The following TEX14 variants were observed in gnomAD, a reference collection of about 807,000 sequenced individuals.
TEX14 encodes the protein inactive serine/threonine-protein kinase TEX14.
In TEX14, 168 loss-of-function variants were observed where a neutral mutation model predicts 178.6. The ratio of observed to expected loss-of-function variants is 0.94; its 90% confidence interval spans 0.83 to 1.07. The LOEUF is 1.07. Ranked by LOEUF, TEX14 falls within the 50% of genes least tolerant of loss-of-function variation. TEX14 has a pLI of 0.00. For synonymous variants in TEX14, 626 were observed against 634.1 expected (o/e 0.99, Z 0.19); for missense variants, 1,730 against 1,753.6 (o/e 0.99, Z 0.24).
chr17:58,667,241 A>G (rs1322482388), intron 1 of TEX14, among the ~76,000 whole-genome samples: 1 of 152,128 alleles, frequency 6.6e-6, no homozygotes, highest in Non-Finnish European at 1.5e-5. Context: ...TGCAGAGTGG[A>G]GGGTTTTGGA....
At chr17:58,678,622 A>G (rs1444700487) in intron 1 of TEX14, among the ~76,000 whole-genome samples, 2 of 152,006 alleles carry the variant, frequency 1.3e-5, no homozygotes, top group African/African-American at 4.8e-5. Context: ...GGAATTGAAC[A>G]ATGAGAACAC....
intron 1 of TEX14, chr17:58,679,575 G>A (rs1283346348): frequency 3.3e-5 from 5 of 152,200 alleles, no homozygotes; most frequent in African/African-American, 1.2e-4. Context: ...ATGCAATTAA[G>A]TTTCCCACAT....
At chr17:58,562,094 GAAGA>G (rs896538138) in intron 28 of TEX14, among the ~76,000 whole-genome samples, 10 of 151,980 alleles carry the variant, frequency 6.6e-5, no homozygotes, top group Middle Eastern at 3.4e-3. Flanking sequence ...CAAAAAAAAA[GAAGA>G]AAGAAAGAAA....
chr17:58,673,177 A>G (rs1036751871), intron 1 of TEX14, among the ~76,000 whole-genome samples: 2 of 151,964 alleles, frequency 1.3e-5, no homozygotes, highest in Non-Finnish European at 2.9e-5. Context: ...AAGCCTTTAC[A>G]TATTAAAATA....
Position 58,577,429 on chromosome 17 carries a change from AT to A in TEX14, c.3265del (p.Ile1089PhefsTer35). ...SGEEKFQMRK[I>X]LGKNAEILPR... is the part of the protein sequence containing the mutation. ...CAAAATCTCAGCATTCTTTCCAAGAATTTTTCTCATTTGGAACTTTTCCTCA... is the reference window on the plus strand; with the variant it reads ...CAAAATCTCAGCATTCTTTCCAAGAATTTTCTCATTTGGAACTTTTCCTCA... On this transcript the variant is annotated frameshift_variant, in exon 21 of 32. Coordinates refer to ENST00000349033, the MANE Select transcript of TEX14 (RefSeq NM_031272.5). LOFTEE classifies it high-confidence loss of function. 1 of 1,504,382 alleles carries A rather than the reference AT, an allele frequency of 6.6e-7. No individual in the cohort carries two copies. Among genetic ancestry groups the A allele is most frequent in the Non-Finnish European group, 8.9e-7 (1 of 1,118,884 alleles). The allele number at this position is 1,504,382 out of a possible 1,614,324, so 93.2% of individuals were successfully genotyped here.
chr17:58,687,346 G>T (rs1033705157), intron 1 of TEX14, among the ~76,000 whole-genome samples: 1 of 152,034 alleles, frequency 6.6e-6, no homozygotes, highest in Non-Finnish European at 1.5e-5. Flanking sequence ...TCCACTAGAG[G>T]CAAGGTACCC....
intron 15 of TEX14, among the ~76,000 whole-genome samples, chr17:58,589,577 A>T (rs1183445415): frequency 1.4e-5 from 2 of 139,454 alleles, no homozygotes; most frequent in Non-Finnish European, 3.1e-5. Context: ...AAAAAAAAAA[A>T]GTGTGTGCTC....
intron 1 of TEX14, among the ~76,000 whole-genome samples, chr17:58,682,236 C>G (rs1411498675): frequency 6.6e-6 from 1 of 151,668 alleles, no homozygotes; most frequent in African/African-American, 2.4e-5. Flanking sequence ...GGCATGGAAC[C>G]ACCATGCCCA....
chr17:58,607,933 T>C (rs2045648367), intron 10 of TEX14, among the ~76,000 whole-genome samples: 1 of 152,114 alleles, frequency 6.6e-6, no homozygotes, highest in Non-Finnish European at 1.5e-5. Flanking sequence ...ATTGAGATTG[T>C]AGTGAGCCAC....
At chr17:58,631,724 C>T (rs137999937) in intron 2 of TEX14, 7 of 147,598 alleles carry the variant, frequency 4.7e-5, no homozygotes, top group Middle Eastern at 3.4e-3. Flanking sequence ...ACACTGCTAT[C>T]CCACTCGTGA....
At chr17:58,630,117 C>T (rs1337693995) in intron 3 of TEX14, among the ~76,000 whole-genome samples, 1 of 151,224 alleles carries the variant, frequency 6.6e-6, no homozygotes, top group Non-Finnish European at 1.5e-5. Flanking sequence ...GGTACAATGG[C>T]GCGATCTCGG....
intron 14 of TEX14, among the ~76,000 whole-genome samples, chr17:58,597,019 C>T (rs893751611): frequency 6.6e-6 from 1 of 152,150 alleles, no homozygotes; most frequent in Admixed American, 6.5e-5. Flanking sequence ...AGTCAGGAGA[C>T]CTGCCCCTAA....
intron 28 of TEX14, chr17:58,564,228 C>T (rs1208065626): frequency 6.6e-6 from 1 of 152,104 alleles, no homozygotes; most frequent in Non-Finnish European, 1.5e-5. Context: ...AAGAGATATC[C>T]GTACACTCAT....
intron 19 of TEX14, 66 bp from the exon 20 acceptor site, chr17:58,579,797 A>C (rs1011888556): frequency 3.3e-5 from 42 of 1,261,524 alleles, no homozygotes; most frequent in Non-Finnish European, 4.7e-5. Context: ...TAAAAGGTCA[A>C]TAATTTCTTG....
At chr17:58,676,537 G>A (rs1002515371) in intron 1 of TEX14, among the ~76,000 whole-genome samples, 1 of 152,124 alleles carries the variant, frequency 6.6e-6, no homozygotes, top group East Asian at 1.9e-4. Context: ...TCCAGACTGA[G>A]CAATAAGAGT....
chr17:58,662,532 C>A (rs1300429753), intron 1 of TEX14, among the ~76,000 whole-genome samples: 1 of 151,960 alleles, frequency 6.6e-6, no homozygotes, highest in Non-Finnish European at 1.5e-5. Flanking sequence ...CACAGCCCCT[C>A]AGTACAGAAT....
chr17:58,671,489 T>C (rs559837382), intron 1 of TEX14, among the ~76,000 whole-genome samples: 1 of 152,136 alleles, frequency 6.6e-6, no homozygotes, highest in South Asian at 2.1e-4. Flanking sequence ...GAACTGAGAG[T>C]GTTCTTCTCC....
intron 1 of TEX14, among the ~76,000 whole-genome samples, chr17:58,653,556 C>T (rs1036089517): frequency 1.3e-5 from 2 of 152,126 alleles, no homozygotes; most frequent in Non-Finnish European, 2.9e-5. Context: ...GTGCTATTGT[C>T]ATTATAAAGG....
chr17:58,661,201 G>A (rs1312124045), intron 1 of TEX14: 1 of 799,024 alleles, frequency 1.3e-6, no homozygotes. Context: ...CAGCTGAGTT[G>A]GTCTTGGTTT....
Sources: gnomAD v4.1 joint callset for allele counts (sites outside exome capture counted in the v4.1 genomes callset) on GRCh38, gnomAD v4.1.1 for gene constraint, MANE v1.5 for transcripts, NCBI Gene and HGNC (gene_info 2026-07-23, HGNC 2026-07-21) for gene names.